UBN1: variants seen among roughly 807,000 people sequenced by gnomAD.
The protein encoded by UBN1 is ubinuclein 1.
A neutral mutation model predicts 108.5 loss-of-function variants in UBN1; 17 were observed. That is an observed-to-expected ratio of 0.16 (90% CI 0.11 to 0.24). UBN1 has a LOEUF of 0.24. UBN1 is among the 10% of genes least tolerant of loss of function. The pLI is 1.00. For synonymous variants in UBN1, 726 were observed against 564.2 expected (o/e 1.29, Z -4.07); for missense variants, 1,595 against 1,394.4 (o/e 1.14, Z -2.29).
chr16:4,870,752 CCTT>C (rs2087589788), intron 10 of UBN1, 89 bp from the exon 11 acceptor site: 2 of 1,590,470 alleles, frequency 1.3e-6, no homozygotes, highest in African/African-American at 1.4e-5. Flanking sequence ...GGCCTTTTCT[CCTT>C]CTCTGTGAAG....
chr16:4,853,173 C>A lies in UBN1; in HGVS notation c.249+7C>A, dbSNP rs2086634487. 1.9e-6 allele frequency: 3 copies of A among 1,613,590 alleles called. No homozygotes were observed. The highest frequency in any genetic ancestry group is 1.3e-5 in the African/African-American group (1 of 74,886). Reference sequence around the variant, plus strand: ...CCTTCAGCCTGGAGATAAGGTACACCCCTTTGTTCCCAGAGGCGCTGCAGG... The same window carrying A: ...CCTTCAGCCTGGAGATAAGGTACACACCTTTGTTCCCAGAGGCGCTGCAGG... On this transcript the variant is annotated splice_region_variant and intron_variant, in intron 2 of 17. Transcript: ENST00000262376.
intron 10 of UBN1, 67 bp downstream of exon 10, chr16:4,870,701 T>C: frequency 1.2e-6 from 2 of 1,600,428 alleles, no homozygotes; most frequent in Non-Finnish European, 1.7e-6. Context: ...CGTTTCTCGG[T>C]GTGTACTGCC....
Position 4,871,255 on chromosome 16 carries a change from G to A in UBN1, c.1660G>A (p.Asp554Asn). The A allele has an allele frequency of 1.9e-6, 3 of 1,614,252 alleles. No homozygotes were observed. Among genetic ancestry groups the A allele is most frequent in the Non-Finnish European group, 2.5e-6 (3 of 1,180,052 alleles). ...GGAGGACTGTGTGAAGGGCTTTCTG[G>A]ATGCGGAAGTCAAGCCCCTCTGGCC... ...AWEDCVKGFL[D>N]AEVKPLWPKG... is the part of the protein sequence containing the mutation. Residue 554 changes from aspartate (D) to asparagine (N), a missense_variant, in exon 12 of 18, where the codon GAT becomes AAT. Around this residue, in one of 3 missense-constraint regions of UBN1, gnomAD observed 1,398 missense variants for 1,194.7 expected, o/e 1.17. Transcript: ENST00000262376.
chr16:4,864,136 A>G (rs927902949), intron 7 of UBN1, among the ~76,000 whole-genome samples: 1 of 132,394 alleles, frequency 7.6e-6, no homozygotes, highest in Non-Finnish European at 1.5e-5. Flanking sequence ...GCTGGAGTGC[A>G]GTGGTGCAAT....
rs1048198727 is a variant in UBN1, at chr16:4,875,180, C to G, written c.2770C>G (p.Pro924Ala). 6.2e-7 allele frequency: 1 copy of G among 1,614,256 alleles called. No individual in the cohort carries two copies. The highest frequency in any genetic ancestry group is 8.5e-7 in the Non-Finnish European group (1 of 1,180,048). ...TGGCAGCTCTTCCTCGGGAGGAACA[C>G]CAGTCCAGAGTTCTGTTTCTGGGAG... ...SSGSSSSGGT[P>A]VQSSVSGSLV... is the part of the protein sequence containing the mutation. The change falls in exon 15 of 18, where the codon CCA (proline) becomes GCA (alanine). Residue 924 changes from proline (P) to alanine (A), a missense_variant. Pro to Ala is a conservative substitution (Grantham distance 27). Coordinates refer to ENST00000262376, the MANE Select transcript of UBN1 (RefSeq NM_001079514.3).
At chr16:4,876,818 G>C (rs969748194) in intron 15 of UBN1, 53 bp from the exon 16 acceptor site, 1 of 1,528,956 alleles carries the variant, frequency 6.5e-7, no homozygotes, top group Middle Eastern at 1.8e-4. Flanking sequence ...TTTGGTGTGA[G>C]TGAGCCACGA....
chr16:4,880,039 G>A (rs749798048), intron 17 of UBN1, 44 bp from the exon 18 acceptor site: 6 of 1,608,730 alleles, frequency 3.7e-6, no homozygotes, highest in Non-Finnish European at 3.4e-6. Flanking sequence ...GGAAATCAGA[G>A]AGCATGAAAA....
intron 17 of UBN1, among the ~76,000 whole-genome samples, chr16:4,879,333 G>T (rs1013422357): frequency 4.6e-5 from 7 of 151,406 alleles, no homozygotes; most frequent in African/African-American, 1.7e-4. Flanking sequence ...GGATGTGGTG[G>T]CATTGAGAGG....
At position 4,880,154 on chromosome 16, in the gene UBN1, C is replaced by T. The variant is rs143147070; in HGVS notation, c.*22C>T. 4.7e-5 allele frequency: 76 copies of T among 1,613,638 alleles called. 3 individuals carry two copies. The Middle Eastern group carries it at 5.1e-3, about 109-fold the overall frequency. ...GTGACCGCTTCAGAGGCAAGGCTTG[C>T]CACTTGGGTCTGGGTGGAATCAGAA... On this transcript the variant is annotated 3_prime_UTR_variant, in exon 18 of 18. Transcript: ENST00000262376.
chr16:4,851,386 GC>G (rs2086549623), intron 1 of UBN1, among the ~76,000 whole-genome samples: 1 of 152,144 alleles, frequency 6.6e-6, no homozygotes, highest in Non-Finnish European at 1.5e-5. Context: ...GGAGGTTGAG[GC>G]CTCAGTGAGC....
chr16:4,849,282 C>T (rs1402002990), intron 1 of UBN1, among the ~76,000 whole-genome samples: 1 of 151,980 alleles, frequency 6.6e-6, no homozygotes, highest in Non-Finnish European at 1.5e-5. Context: ...ATAAGAAATG[C>T]AATTTTTGGA....
intron 1 of UBN1, among the ~76,000 whole-genome samples, chr16:4,849,453 GA>G (rs1429969691): frequency 1.3e-5 from 2 of 151,810 alleles, no homozygotes; most frequent in Non-Finnish European, 2.9e-5. Flanking sequence ...TAACCAGTTT[GA>G]AAATACAATG....
In UBN1 at chr16:4,860,777, G is replaced by C; in HGVS notation, c.785G>C (p.Arg262Thr). 1.9e-6 allele frequency: 3 copies of C among 1,614,274 alleles called. No individual in the cohort carries two copies. The highest frequency in any genetic ancestry group is 2.5e-6 in the Non-Finnish European group (3 of 1,180,052). ...FQKEKEAQKKREEEHKPVAVP... is the reference protein window; with the variant it reads ...FQKEKEAQKKTEEEHKPVAVP... ...AAAGAGAAAGAGGCTCAGAAAAAAAGGGAGGAGGAGCATAAGCCTGTTGCG... is the reference window on the plus strand; with the variant it reads ...AAAGAGAAAGAGGCTCAGAAAAAAACGGAGGAGGAGCATAAGCCTGTTGCG... Residue 262 changes from arginine to threonine, a missense_variant, in exon 7 of 18, where the codon AGG becomes ACG. Transcript: ENST00000262376.
rs191257438 is a variant in UBN1 at position 4,855,920 on chromosome 16, A to G, written c.250-2070A>G. 1.9e-3 allele frequency among the ~76,000 whole-genome samples: 287 copies of G among 152,284 alleles called. 3 individuals are homozygous for G. Among genetic ancestry groups the G allele is most frequent in the South Asian group, 3.5e-3 (17 of 4,826 alleles). On this transcript the variant is annotated intron_variant, in intron 2 of 17. Transcript: ENST00000262376. Reference sequence around the variant, plus strand: ...GGTGATGGCGACTCCATCTCCCCCTACCAAAAAACACCAAACCAAAAAAGA... The same window carrying G: ...GGTGATGGCGACTCCATCTCCCCCTGCCAAAAAACACCAAACCAAAAAAGA...
chr16:4,881,343 G>A lies in UBN1; in HGVS notation c.*1211G>A, dbSNP rs1164264633. On this transcript the variant is annotated 3_prime_UTR_variant, in exon 18 of 18. Coordinates refer to ENST00000262376, the MANE Select transcript of UBN1 (RefSeq NM_001079514.3). ...AGGGTGATGTGCAGAAGAGCTTGGA[G>A]AGTGGATCAGAGAGACTAGGACAGT... 6.6e-6 allele frequency: 1 copy of A among 152,448 alleles called. No individual in the cohort carries two copies. The highest frequency in any genetic ancestry group is 1.5e-5 in the Non-Finnish European group (1 of 68,044). The allele number at this position is 152,448 out of a possible 1,614,324, so 9.4% of individuals were successfully genotyped here. A position where few individuals can be genotyped will look rare whatever the true frequency, so the allele number is the denominator to read the frequency against.
intron 2 of UBN1, 21 bp from the exon 3 acceptor site, chr16:4,857,969 T>C: frequency 1.5e-5 from 23 of 1,564,748 alleles, no homozygotes; most frequent in Non-Finnish European, 2.0e-5. Context: ...ACTTATTTTT[T>C]GTGGAACGAT....
intron 2 of UBN1, among the ~76,000 whole-genome samples, chr16:4,856,110 C>G (rs2086795320): frequency 6.6e-6 from 1 of 152,144 alleles, no homozygotes; most frequent in African/African-American, 2.4e-5. Flanking sequence ...TATCTTCTTC[C>G]TTTAGAGGAA....
Position 4,874,365 on chromosome 16 carries a change from C to G in UBN1, c.1955C>G (p.Pro652Arg), listed in dbSNP as rs770072982. ...PSQASGGLAN[P>R]PPVNLEDSLD... ...CAGGCATCGGGCGGCCTTGCTAACC[C>G]TCCTCCTGTCAACCTGGAGGACTCA... Residue 652 changes from proline (P) to arginine (R), a missense_variant, in exon 15 of 18, where the codon CCT becomes CGT. Transcript: ENST00000262376. 8.1e-6 allele frequency: 13 copies of G among 1,613,988 alleles called. No homozygotes were observed. The highest frequency in any genetic ancestry group is 2.2e-5 in the East Asian group (1 of 44,892).
rs763273375 is a variant in UBN1 at position 4,877,423 on chromosome 16, G to A, written c.3304G>A (p.Ala1102Thr). The change falls in exon 17 of 18, where the codon GCG becomes ACG. Residue 1102 changes from alanine to threonine, a missense_variant. Ala to Thr is a moderately conservative substitution (Grantham distance 58, BLOSUM62 0). Coordinates refer to ENST00000262376, the MANE Select transcript of UBN1 (RefSeq NM_001079514.3). The surrounding 1 kb of genome is among the most constrained non-coding windows in gnomAD (Gnocchi z 4.3). Reference protein sequence around the residue: ...AGLHSSPPHAAPLPHAAVPTH... With the variant: ...AGLHSSPPHATPLPHAAVPTH... ...CTTGCACTCCAGCCCGCCCCATGCA[G>A]CGCCTCTCCCACACGCTGCGGTGCC... 1 of 1,612,754 alleles carries A rather than the reference G, an allele frequency of 6.2e-7. No homozygotes were observed. The highest frequency in any genetic ancestry group is 1.3e-5 in the African/African-American group (1 of 75,028).
Sources: allele counts gnomAD v4.1 joint callset (sites outside exome capture counted in the v4.1 genomes callset), GRCh38; gene constraint gnomAD v4.1.1; regional missense constraint gnomAD v4.1.1; non-coding constraint Gnocchi (gnomAD v3.1); transcripts MANE v1.5; gene names NCBI Gene and HGNC (gene_info 2026-07-23, HGNC 2026-07-21).